The following ABHD2 variants were observed in gnomAD, a reference collection of about 807,000 sequenced individuals.
The protein encoded by ABHD2 is monoacylglycerol lipase ABHD2.
ABHD2 carries 20 observed loss-of-function variants against 48.1 expected under a neutral mutation model. The ratio of observed to expected loss-of-function variants is 0.42; its 90% CI spans 0.29 to 0.60. The LOEUF (loss-of-function observed/expected upper bound fraction) is 0.60. Among genes scored for constraint, ABHD2 ranks in the 20% least tolerant of loss-of-function variants. The probability of loss-of-function intolerance (pLI) is 0.24; values close to 1 mark genes in which losing one functional copy is unlikely to be tolerated. For missense variants in ABHD2, 405 were observed against 550.9 expected, an observed-to-expected ratio of 0.74 and a Z score of 2.65; for synonymous variants, 209 against 214.2, an observed-to-expected ratio of 0.98 and a Z score of 0.21.
intron 1 of ABHD2, among the ~76,000 whole-genome samples, chr15:89,105,202 G>T (rs970042046): frequency 2.0e-5 from 3 of 152,202 alleles, no homozygotes; most frequent in Admixed American, 6.5e-5. Context: ...AGTGGAAGAG[G>T]CCAGCTTCCT....
intron 5 of ABHD2, among the ~76,000 whole-genome samples, chr15:89,160,618 A>G (rs1406311649): frequency 6.6e-6 from 1 of 152,128 alleles, no homozygotes. Context: ...TCAGTGGTTT[A>G]AAGCAATGAT....
At chr15:89,058,789 C>G in the ABHD2 span, among the ~76,000 whole-genome samples, 115 of 152,298 alleles carry the variant, frequency 7.6e-4, 1 homozygote, top group African/African-American at 2.7e-3. Context: ...GCCCTTGAAG[C>G]CTTTCTCTTT....
upstream of ABHD2, among the ~76,000 whole-genome samples, chr15:89,086,363 A>G (rs34453246): frequency 0.11 from 17,098 of 152,126 alleles, 1,275 homozygotes; most frequent in Non-Finnish European, 0.17. Flanking sequence ...AATTGACAAA[A>G]TTTGTATATA....
In ABHD2 at chr15:89,182,592, C is replaced by G. The variant is rs866475309; in HGVS notation, c.723-2832C>G. 7.2e-5 allele frequency among the ~76,000 whole-genome samples: 11 copies of G among 152,180 alleles called. 1 individual carries two copies. The South Asian group carries it at 2.3e-3, about 32-fold the overall frequency. The stretch of plus-strand genomic sequence containing the variant: ...TCACTTGAGGTCAGGAGTTCTAGAC[C>G]ACCCTGGCCAACATGACGAAACCCC... On this transcript the variant is annotated intron_variant, in intron 6 of 10. Transcript: ENST00000352732. The surrounding 1 kb of genome is among the most constrained non-coding windows in gnomAD (Gnocchi z 4.8).
chr15:89,089,775 C>G (rs142269227), intron 1 of ABHD2, among the ~76,000 whole-genome samples: 225 of 152,324 alleles, frequency 1.5e-3, no homozygotes, highest in Middle Eastern at 3.4e-3. Context: ...ACATAATAAT[C>G]TAAAGGTCAG....
At chr15:89,095,654 T>G (rs2049600761) in intron 1 of ABHD2, among the ~76,000 whole-genome samples, 1 of 152,194 alleles carries the variant, frequency 6.6e-6, no homozygotes, top group South Asian at 2.1e-4. Context: ...CCAGATGGCT[T>G]CTGAGATACA....
At chr15:89,103,291 A>G (rs987546285) in intron 1 of ABHD2, among the ~76,000 whole-genome samples, 1 of 152,212 alleles carries the variant, frequency 6.6e-6, no homozygotes, top group Non-Finnish European at 1.5e-5. Flanking sequence ...AAGAGCTGAA[A>G]GCATTTTACG....
At position 89,201,759 on chromosome 15, in the gene ABHD2, A is replaced by T. The variant is rs113748815; in HGVS notation, c.*6336A>T. On this transcript the variant is annotated 3_prime_UTR_variant, in exon 11 of 11. Transcript: ENST00000352732. The stretch of plus-strand genomic sequence containing the variant: ...GAGGTCTATGGGCGGGTCGAGGACC[A>T]GGATCTGCTCGTGCTTCGCCGTGGC... 7 of 1,540,420 alleles carry T rather than the reference A, an allele frequency of 4.5e-6. No homozygotes were observed. The highest frequency in any genetic ancestry group is 6.3e-6 in the Non-Finnish European group (7 of 1,114,038).
At chr15:89,172,190 G>T (rs1286929932) in intron 5 of ABHD2, among the ~76,000 whole-genome samples, 1 of 152,088 alleles carries the variant, frequency 6.6e-6, no homozygotes, top group Non-Finnish European at 1.5e-5. Context: ...ATTTTTAAGT[G>T]TACAGTTCAG....
At chr15:89,044,865 T>G in the ABHD2 span, among the ~76,000 whole-genome samples, 2 of 151,986 alleles carry the variant, frequency 1.3e-5, no homozygotes, top group African/African-American at 4.8e-5. Flanking sequence ...GCCTGTTCAC[T>G]CTGATGGTAG....
intron 3 of ABHD2, chr15:89,135,926 C>CTTT: frequency 1.6e-5 from 7 of 430,164 alleles, no homozygotes; most frequent in East Asian, 4.5e-5. Flanking sequence ...GATCCTTTAA[C>CTTT]TTTTTTTTTT....
the ABHD2 span, among the ~76,000 whole-genome samples, chr15:89,063,053 C>A: frequency 6.6e-6 from 1 of 151,428 alleles, no homozygotes; most frequent in African/African-American, 2.4e-5. Flanking sequence ...CTGCAACCTC[C>A]ACCTCCTGGG....
At chr15:89,123,929 A>G (rs557435402) in intron 3 of ABHD2, among the ~76,000 whole-genome samples, 249 of 152,314 alleles carry the variant, frequency 1.6e-3, no homozygotes, top group African/African-American at 5.8e-3. Context: ...CTAATAAAGC[A>G]GAGCAAATCT....
At chr15:89,124,216 A>G (rs1021589713) in intron 3 of ABHD2, among the ~76,000 whole-genome samples, 1 of 152,238 alleles carries the variant, frequency 6.6e-6, no homozygotes, top group South Asian at 2.1e-4. Flanking sequence ...TCTAAAGAGC[A>G]CGGGACTCCA....
intron 3 of ABHD2, among the ~76,000 whole-genome samples, chr15:89,127,239 A>G (rs990023903): frequency 6.6e-6 from 1 of 152,094 alleles, no homozygotes; most frequent in African/African-American, 2.4e-5. Context: ...TCAGTTTCTA[A>G]TCATAGAGTG....
chr15:89,198,405 T>A lies in ABHD2; in HGVS notation c.*2982T>A, dbSNP rs1192423844. The stretch of plus-strand genomic sequence containing the variant: ...CTCAAAAAATGGTGTCAAGTTTCTT[T>A]AATGTTTTTATGTTAGAAGTGAGTT... On this transcript the variant is annotated 3_prime_UTR_variant, in exon 11 of 11. Transcript: ENST00000352732. The surrounding 1 kb of genome is among the most constrained non-coding windows in gnomAD (Gnocchi z 5.1). 6.6e-6 allele frequency: 1 copy of A among 152,228 alleles called. No individual in the cohort carries two copies. The highest frequency in any genetic ancestry group is 1.5e-5 in the Non-Finnish European group (1 of 68,030). The allele number at this position is 152,228 out of a possible 1,614,324, so 9.4% of individuals were successfully genotyped here. A position where few individuals can be genotyped will look rare whatever the true frequency, so the allele number is the denominator to read the frequency against.
chr15:89,083,356 TAAGA>T (rs1312138900), upstream of ABHD2, among the ~76,000 whole-genome samples: 1 of 152,234 alleles, frequency 6.6e-6, no homozygotes, highest in Non-Finnish European at 1.5e-5. This position sits in a 1 kb window ranked among gnomAD's most constrained non-coding sequence, Gnocchi z 5.1. Context: ...TTTCTGTAAT[TAAGA>T]ATGACATCAG....
intron 4 of ABHD2, among the ~76,000 whole-genome samples, chr15:89,152,082 T>G (rs555913542): frequency 3.3e-5 from 5 of 152,030 alleles, no homozygotes; most frequent in African/African-American, 1.2e-4. Context: ...GAATAGTTTT[T>G]TTTTTTTTTT....
the ABHD2 span, among the ~76,000 whole-genome samples, chr15:89,060,877 T>C: frequency 2.6e-5 from 4 of 152,280 alleles, no homozygotes; most frequent in Admixed American, 2.0e-4. Flanking sequence ...ATATGCAATG[T>C]GGATCGAGAG....
Sources: allele counts gnomAD v4.1 joint callset (sites outside exome capture counted in the v4.1 genomes callset), GRCh38; gene constraint gnomAD v4.1.1; non-coding constraint Gnocchi (gnomAD v3.1); transcripts MANE v1.5; gene names NCBI Gene and HGNC (gene_info 2026-07-23, HGNC 2026-07-21).